Variants in PTPRN2 observed in about 807,000 individuals in gnomAD.
The protein encoded by PTPRN2 is protein tyrosine phosphatase receptor type N2, also known as receptor-type tyrosine-protein phosphatase N2.
In PTPRN2, 74 loss-of-function variants were observed where a neutral mutation model predicts 118.8. The ratio of observed to expected loss-of-function variants is 0.62; its 90% confidence interval spans 0.52 to 0.76. The LOEUF (loss-of-function observed/expected upper bound fraction) is 0.76. Among genes scored for constraint, PTPRN2 ranks in the 30% least tolerant of loss-of-function variants. The pLI is 0.00. For missense variants in PTPRN2, 1,481 were observed against 1,394.4 expected (o/e 1.06, Z -0.99); for synonymous variants, 641 against 608.0 (o/e 1.05, Z -0.80).
chr7:157,747,189 G>T (rs1351147348), intron 12 of PTPRN2, among the ~76,000 whole-genome samples: 3 of 86,372 alleles, frequency 3.5e-5, no homozygotes, highest in East Asian at 5.2e-4. Context: ...TGGGGTGTGC[G>T]GGTGATTCTG....
intron 12 of PTPRN2, among the ~76,000 whole-genome samples, chr7:157,809,204 T>C (rs1805816808): frequency 6.6e-6 from 1 of 151,934 alleles, no homozygotes. Context: ...AGATGCCTTA[T>C]GGAGCCAGGA....
chr7:157,945,496 G>A (rs1393603880), intron 11 of PTPRN2, among the ~76,000 whole-genome samples: 1 of 152,140 alleles, frequency 6.6e-6, no homozygotes, highest in Non-Finnish European at 1.5e-5. Context: ...TCAGTGACCT[G>A]GCCCCTGAAC....
Position 158,232,730 on chromosome 7 carries a change from A to T in PTPRN2, c.278-27457T>A, listed in dbSNP as rs113195399. ...GAACACATTAAAAAGATCATTCAAC[A>T]TGATCGAGTGGGATTCATCCCAGGG... On this transcript the variant is annotated intron_variant, in intron 3 of 22. Coordinates refer to ENST00000389418, the MANE Select transcript of PTPRN2 (RefSeq NM_002847.5). Among the ~76,000 whole-genome samples, 1,208 of 152,316 alleles carry T rather than the reference A, an allele frequency of 7.9e-3. 20 individuals carry two copies. The highest frequency in any genetic ancestry group is 0.027 in the African/African-American group (1,137 of 41,576).
intron 11 of PTPRN2, among the ~76,000 whole-genome samples, chr7:158,052,727 C>T (rs1249686390): frequency 6.6e-6 from 1 of 151,442 alleles, no homozygotes; most frequent in African/African-American, 2.4e-5. Context: ...CCCTTTGGAC[C>T]TCCTGGAGAG....
chr7:158,395,321 AG>A (rs1563239858), intron 2 of PTPRN2, among the ~76,000 whole-genome samples: 41 of 70,584 alleles, frequency 5.8e-4, no homozygotes, highest in African/African-American at 2.1e-3. Flanking sequence ...GTGAGGGGCG[AG>A]GGGCGAGGGG....
At chr7:158,080,576 G>GT (rs1263904735) in intron 11 of PTPRN2, among the ~76,000 whole-genome samples, 49 of 91,556 alleles carry the variant, frequency 5.4e-4, no homozygotes, top group African/African-American at 1.4e-3. Context: ...TTTTCAACAA[G>GT]TTTAAAAAAA....
chr7:157,833,086 C>T (rs1471408376), intron 12 of PTPRN2, among the ~76,000 whole-genome samples: 2 of 150,326 alleles, frequency 1.3e-5, no homozygotes. Context: ...GCCCATCCAT[C>T]CTGTATGACG....
chr7:157,840,106 C>T (rs111204855), intron 12 of PTPRN2, among the ~76,000 whole-genome samples: 41 of 142,456 alleles, frequency 2.9e-4, no homozygotes, highest in African/African-American at 6.0e-4. Context: ...TGTGTGACCG[C>T]GTGACTGTGT....
intron 12 of PTPRN2, among the ~76,000 whole-genome samples, chr7:157,854,141 C>G (rs1200714820): frequency 6.6e-6 from 1 of 152,230 alleles, no homozygotes; most frequent in Non-Finnish European, 1.5e-5. Flanking sequence ...GCCACTGGCT[C>G]TGTGCATTTC....
chr7:158,165,410 G>A (rs73173662), intron 6 of PTPRN2, among the ~76,000 whole-genome samples: 19 of 152,338 alleles, frequency 1.2e-4, no homozygotes, highest in African/African-American at 2.4e-4. Flanking sequence ...GTGCAGCATC[G>A]GCCTCCTCCG....
intron 3 of PTPRN2, among the ~76,000 whole-genome samples, chr7:158,270,780 A>ACCTGGGCCGCCCCGT (rs1563067179): frequency 1.5e-5 from 1 of 67,636 alleles, no homozygotes. Flanking sequence ...GTCCACCTGG[A>ACCTGGGCCGCCCCGT]CCACCCCTCC....
chr7:158,277,726 C>G (rs929463401), intron 3 of PTPRN2, among the ~76,000 whole-genome samples: 7 of 152,282 alleles, frequency 4.6e-5, no homozygotes, highest in Non-Finnish European at 1.0e-4. Flanking sequence ...CTGTACGGTC[C>G]TCCCTACTCC....
chr7:158,536,409 AG>A lies in PTPRN2; in HGVS notation c.113-46625del, dbSNP rs535777596. ...CACATGAAGACACAAGGGCCTTCCC[AG>A]CCCACTATAACCCAGATGGGACTCA... On this transcript the variant is annotated intron_variant, in intron 1 of 22. Transcript: ENST00000389418. Among the ~76,000 whole-genome samples the A allele has an allele frequency of 3.9e-5, 6 of 152,342 alleles. No individual in the cohort carries two copies. In the East Asian group the frequency reaches 1.2e-3, roughly 29 times the overall value.
intron 12 of PTPRN2, among the ~76,000 whole-genome samples, chr7:157,872,836 G>T (rs1003645294): frequency 6.6e-6 from 1 of 152,250 alleles, no homozygotes; most frequent in Non-Finnish European, 1.5e-5. Context: ...GGGGTGACGG[G>T]TGCTTTCTGT....
At chr7:157,798,666 C>A (rs76322874) in intron 12 of PTPRN2, among the ~76,000 whole-genome samples, 1 of 152,284 alleles carries the variant, frequency 6.6e-6, no homozygotes, top group East Asian at 1.9e-4. Context: ...CTCCTGAGAG[C>A]GATATTTACA....
chr7:157,614,740 G>T (rs1278652540), intron 15 of PTPRN2, among the ~76,000 whole-genome samples: 5 of 152,194 alleles, frequency 3.3e-5, no homozygotes, highest in Non-Finnish European at 7.3e-5. Flanking sequence ...CTGAGGGGGG[G>T]CCTAGTGCAG....
In PTPRN2 at chr7:158,319,424, A is replaced by C. The variant is rs1433135219; in HGVS notation, c.164-2492T>G. 3.1e-3 allele frequency among the ~76,000 whole-genome samples: 322 copies of C among 102,996 alleles called. 2 individuals are homozygous for C. Among genetic ancestry groups the C allele is most frequent in the Middle Eastern group, 9.5e-3 (2 of 210 alleles). The allele number at this position is 102,996 out of a possible 152,430, so 67.6% of individuals were successfully genotyped here. ...CACACACACACACAGCCTCCCACAC[A>C]CACACACACACAGCCTCCCTCACAC... On this transcript the variant is annotated intron_variant, in intron 2 of 22. Transcript: ENST00000389418.
chr7:158,336,676 T>C (rs1366187501), intron 2 of PTPRN2, among the ~76,000 whole-genome samples: 16 of 134,004 alleles, frequency 1.2e-4, no homozygotes, highest in African/African-American at 4.4e-4. Flanking sequence ...ACTCTCACCA[T>C]AAGAGCTGAC....
intron 2 of PTPRN2, among the ~76,000 whole-genome samples, chr7:158,397,365 C>T (rs1812594429): frequency 6.6e-6 from 1 of 152,092 alleles, no homozygotes; most frequent in Admixed American, 6.5e-5. Flanking sequence ...GTGAACCAGC[C>T]CTCCCAGCGG....
Sources: allele counts gnomAD v4.1 joint callset (sites outside exome capture counted in the v4.1 genomes callset), GRCh38; gene constraint gnomAD v4.1.1; transcripts MANE v1.5; gene names NCBI Gene and HGNC (gene_info 2026-07-23, HGNC 2026-07-21).